The following ITPR2 variants were observed in gnomAD, a reference collection of about 807,000 sequenced individuals.
ITPR2 encodes inositol 1,4,5-trisphosphate receptor type 2.
Under a neutral mutation model 317.1 loss-of-function variants are expected in ITPR2, and 207 were observed. The ratio of observed to expected loss-of-function variants is 0.65; its 90% CI spans 0.58 to 0.73. The LOEUF (loss-of-function observed/expected upper bound fraction) is 0.73, where lower values mean the gene tolerates loss of function less well. Among genes scored for constraint, ITPR2 ranks in the 30% least tolerant of loss-of-function variants. The pLI is 0.00. For missense variants in ITPR2, 2,613 were observed against 3,284.0 expected (o/e 0.80, Z 4.99); for synonymous variants, 1,156 against 1,149.1 (o/e 1.01, Z -0.12).
intron 33 of ITPR2, among the ~76,000 whole-genome samples, chr12:26,579,684 T>C (rs1207128846): frequency 6.6e-6 from 1 of 152,172 alleles, no homozygotes; most frequent in African/African-American, 2.4e-5. Context: ...ACATAAATCT[T>C]TGTTAATTCT....
At chr12:26,812,433 G>A (rs1950770884) in intron 1 of ITPR2, among the ~76,000 whole-genome samples, 1 of 151,850 alleles carries the variant, frequency 6.6e-6, no homozygotes, top group South Asian at 2.1e-4. Flanking sequence ...AAACAAATTA[G>A]CCGGGCGTGG....
intron 13 of ITPR2, among the ~76,000 whole-genome samples, chr12:26,666,279 T>C (rs370541598): frequency 6.6e-6 from 1 of 152,206 alleles, no homozygotes; most frequent in Non-Finnish European, 1.5e-5. Context: ...AAGTATTTAA[T>C]TGACAAAAGA....
intron 45 of ITPR2, among the ~76,000 whole-genome samples, chr12:26,461,799 T>G (rs577449422): frequency 3.3e-5 from 5 of 151,566 alleles, no homozygotes; most frequent in Admixed American, 3.3e-4. Flanking sequence ...ATCTCTAAAA[T>G]TGATCACATT....
chr12:26,802,367 G>T (rs902731057), intron 1 of ITPR2, among the ~76,000 whole-genome samples: 7 of 151,814 alleles, frequency 4.6e-5, no homozygotes, highest in African/African-American at 1.7e-4. Flanking sequence ...AGACAAATAG[G>T]GCAGGTATGT....
At chr12:26,460,870 C>A (rs183475392) in intron 45 of ITPR2, among the ~76,000 whole-genome samples, 4 of 152,136 alleles carry the variant, frequency 2.6e-5, no homozygotes, top group Non-Finnish European at 4.4e-5. Flanking sequence ...GTTTGCCCTC[C>A]GACCTGGATG....
At chr12:26,729,124 A>G (rs1252969761) in intron 2 of ITPR2, among the ~76,000 whole-genome samples, 1 of 152,212 alleles carries the variant, frequency 6.6e-6, no homozygotes, top group Non-Finnish European at 1.5e-5. Context: ...GTAAAAAATA[A>G]ACAACCCCAT....
At chr12:26,591,631 A>G (rs930945334) in intron 32 of ITPR2, among the ~76,000 whole-genome samples, 1 of 152,018 alleles carries the variant, frequency 6.6e-6, no homozygotes. Context: ...GGAGTTCAAG[A>G]CCAGCCTGGC....
intron 52 of ITPR2, among the ~76,000 whole-genome samples, chr12:26,401,976 G>A (rs151016267): frequency 9.8e-4 from 149 of 152,286 alleles, no homozygotes; most frequent in African/African-American, 3.3e-3. Context: ...TTACCTTAGC[G>A]CTGAGTCCAA....
rs1565624237 is a variant in ITPR2, at chr12:26,589,816, ATAAATAAATAAAT to A, written c.4380+5636_4380+5648del. Among the ~76,000 whole-genome samples, 41 of 38,704 alleles carry A rather than the reference ATAAATAAATAAAT, an allele frequency of 1.1e-3. 1 individual carries two copies. Among genetic ancestry groups the A allele is most frequent in the Non-Finnish European group, 1.7e-3 (24 of 14,082 alleles). 25.4% of individuals were successfully genotyped at this position (38,704 alleles called of 152,430 possible). Reference sequence around the variant, plus strand: ...AAAAAAATAAATAAATAAAAAATAAATAAATAAATAAATAAACATATATATATATATATATATA... The same window carrying A: ...AAAAAAATAAATAAATAAAAAATAAAAAACATATATATATATATATATATA... On this transcript the variant is annotated intron_variant, in intron 32 of 56. Transcript: ENST00000381340.
Position 26,587,904 on chromosome 12 carries a change from G to A in ITPR2, c.4380+7561C>T, listed in dbSNP as rs138167342. ...TACTTGGGGTAGCGTAGTTGTGATGGGAGTGTTCAGGAGTAGTCAAATTTG... is the reference window on the plus strand; with the variant it reads ...TACTTGGGGTAGCGTAGTTGTGATGAGAGTGTTCAGGAGTAGTCAAATTTG... On this transcript the variant is annotated intron_variant, in intron 32 of 56. Transcript: ENST00000381340. 8.1e-3 allele frequency among the ~76,000 whole-genome samples: 1,234 copies of A among 152,278 alleles called. 9 individuals are homozygous for A. Among genetic ancestry groups the A allele is most frequent in the African/African-American group, 0.018 (761 of 41,542 alleles).
intron 55 of ITPR2, among the ~76,000 whole-genome samples, chr12:26,354,953 C>T (rs112473121): frequency 0.16 from 24,657 of 152,040 alleles, 2,212 homozygotes; most frequent in African/African-American, 0.22. Flanking sequence ...TGTGAGCCAC[C>T]GTACCTGGCA....
rs544192690 is a variant in ITPR2 at position 26,393,790 on chromosome 12, T to C, written c.7696+5086A>G. On this transcript the variant is annotated intron_variant, in intron 54 of 56. Coordinates refer to ENST00000381340, the MANE Select transcript of ITPR2 (RefSeq NM_002223.4). Reference sequence around the variant, plus strand: ...CACCCTACATTCCTGTGGGCAGCACTCCACAGAAACAATACCCTGCATGTA... The same window carrying C: ...CACCCTACATTCCTGTGGGCAGCACCCCACAGAAACAATACCCTGCATGTA... Among the ~76,000 whole-genome samples the C allele has an allele frequency of 6.6e-5, 10 of 152,324 alleles. No homozygotes were observed. In the South Asian group the frequency reaches 2.1e-3, roughly 32 times the overall value.
intron 9 of ITPR2, among the ~76,000 whole-genome samples, chr12:26,707,393 G>A (rs1948571036): frequency 1.3e-5 from 2 of 152,132 alleles, no homozygotes; most frequent in Admixed American, 1.3e-4. Flanking sequence ...TCTGTGCCAT[G>A]GAGCCTCTAT....
At chr12:26,423,247 T>C (rs556114884) in intron 49 of ITPR2, among the ~76,000 whole-genome samples, 24 of 152,242 alleles carry the variant, frequency 1.6e-4, no homozygotes, top group Admixed American at 2.0e-4. Context: ...TCCAAATATA[T>C]CACTGAATTT....
chr12:26,420,189 A>G (rs947330689), intron 49 of ITPR2, among the ~76,000 whole-genome samples: 1 of 152,150 alleles, frequency 6.6e-6, no homozygotes, highest in East Asian at 1.9e-4. Flanking sequence ...ATTACAAACC[A>G]AAGAGCCAAT....
intron 45 of ITPR2, among the ~76,000 whole-genome samples, chr12:26,466,437 G>C (rs907276672): frequency 6.6e-6 from 1 of 152,316 alleles, no homozygotes; most frequent in African/African-American, 2.4e-5. Context: ...GGTATACTTA[G>C]ATCCTCTTTC....
At chr12:26,414,088 A>ACACACACACACAC (rs1940645837) in intron 51 of ITPR2, among the ~76,000 whole-genome samples, 13 of 72,642 alleles carry the variant, frequency 1.8e-4, no homozygotes, top group African/African-American at 5.2e-4. Context: ...CACACACACA[A>ACACACACACACAC]ACACAAGTCC....
At chr12:26,555,915 A>T (rs1227375810) in intron 36 of ITPR2, among the ~76,000 whole-genome samples, 1 of 152,246 alleles carries the variant, frequency 6.6e-6, no homozygotes, top group Non-Finnish European at 1.5e-5. Flanking sequence ...GACTTTAAAC[A>T]AGAATTTTTT....
intron 33 of ITPR2, 131 bp downstream of exon 33, chr12:26,579,896 T>C (rs1945357222): frequency 1.6e-6 from 1 of 612,774 alleles, no homozygotes; most frequent in African/African-American, 1.9e-5. Flanking sequence ...GAAAGAGGCA[T>C]AATAGTAAAT....
Sources: allele counts gnomAD v4.1 joint callset (sites outside exome capture counted in the v4.1 genomes callset), GRCh38; gene constraint gnomAD v4.1.1; transcripts MANE v1.5; gene names NCBI Gene and HGNC (gene_info 2026-07-23, HGNC 2026-07-21).